The following TTLL8 variants were observed in gnomAD, a reference collection of about 807,000 sequenced individuals.
TTLL8 encodes the protein protein monoglycylase TTLL8.
A neutral mutation model predicts 77.8 loss-of-function variants in TTLL8; 65 were observed. That is an observed-to-expected ratio of 0.84 (90% CI 0.68 to 1.03). TTLL8 has a LOEUF of 1.03. Among genes scored for constraint, TTLL8 ranks in the 50% least tolerant of loss-of-function variants. The pLI is 0.00. For synonymous variants in TTLL8, 402 were observed against 422.8 expected, an observed-to-expected ratio of 0.95 and a Z score of 0.60; for missense variants, 910 against 1,004.5, an observed-to-expected ratio of 0.91 and a Z score of 1.27.
chr22:50,032,986 G>A (rs192360874), intron 10 of TTLL8: 3 of 226,318 alleles, frequency 1.3e-5, no homozygotes, highest in South Asian at 1.6e-4. Context: ...AGAGCGTGGG[G>A]TGTAGGGCGC....
intron 12 of TTLL8, among the ~76,000 whole-genome samples, chr22:50,029,604 G>T (rs531911434): frequency 1.3e-5 from 2 of 152,148 alleles, no homozygotes; most frequent in Non-Finnish European, 2.9e-5. Flanking sequence ...GGTGGCGGGC[G>T]CCTGTGGTCC....
intron 12 of TTLL8, among the ~76,000 whole-genome samples, chr22:50,027,898 G>T (rs1336440715): frequency 2.0e-5 from 3 of 152,244 alleles, no homozygotes; most frequent in Non-Finnish European, 2.9e-5. Flanking sequence ...CGTACGCACG[G>T]GTTGGAGTTG....
intron 6 of TTLL8, 46 bp downstream of exon 8, chr22:50,045,209 C>T (rs551752095): frequency 3.5e-5 from 47 of 1,327,842 alleles, no homozygotes; most frequent in African/African-American, 4.5e-5. Context: ...CTGTGGAGGC[C>T]CCGAGCTCTG....
In TTLL8 at chr22:50,034,221, G is replaced by A. The variant is rs115827953; in HGVS notation, c.1039+124C>T. 272 of 1,169,310 alleles carry A rather than the reference G, an allele frequency of 2.3e-4. No individual in the cohort carries two copies. In the African/African-American group the frequency reaches 2.9e-3, roughly 12 times the overall value. The allele number at this position is 1,169,310 out of a possible 1,614,324, so 72.4% of individuals were successfully genotyped here. A position where few individuals can be genotyped will look rare whatever the true frequency, so the allele number is the denominator to read the frequency against. ...GAGTCCTGACCCCCACGCCTGCCTC[G>A]GCGTTCTGCTCCCTCCCTTCCTTCC... On this transcript the variant is annotated intron_variant, in intron 9 of 13. Transcript: ENST00000266182. This position sits in a 1 kb window ranked among gnomAD's most constrained non-coding sequence, Gnocchi z 4.1.
rs773249930 is a variant in TTLL8, at chr22:50,045,235, C to T, written c.643+20G>A. On this transcript the variant is annotated intron_variant, in intron 6 of 13. Coordinates refer to ENST00000266182, the Ensembl canonical transcript of TTLL8. ...CCGAGCTCTGGTGGCCTGGCACTGC[C>T]CTGCCCCGGCCCAGCGCACCTTGCC... is the stretch of plus-strand genomic sequence containing the variant. 7.4e-7 allele frequency: 1 copy of T among 1,347,568 alleles called. No individual in the cohort carries two copies. The highest frequency in any genetic ancestry group is 4.6e-5 in the East Asian group (1 of 21,694). 83.5% of individuals were successfully genotyped at this position (1,347,568 alleles called of 1,614,324 possible).
At position 50,034,365 on chromosome 22, in the gene TTLL8, C is replaced by T. The variant is rs377625748; in HGVS notation, c.1019G>A (p.Arg340Gln). The change falls in exon 9 of 14, where the codon CGG (arginine) becomes CAG (glutamine). Residue 340 changes from arginine (R) to glutamine (Q), a missense_variant. Physicochemically the swap from Arg to Gln is conservative, Grantham distance 43. Coordinates refer to ENST00000266182, the Ensembl canonical transcript of TTLL8. This position sits in a 1 kb window ranked among gnomAD's most constrained non-coding sequence, Gnocchi z 4.1. ...CGCACCAGGGGACTCACCTCGGCCC[C>T]GGGACTTGGCCGCGGGCTTTATAAT... The T allele has an allele frequency of 2.7e-5, 37 of 1,366,386 alleles. No individual in the cohort carries two copies. The highest frequency in any genetic ancestry group is 2.2e-4 in the Middle Eastern group (1 of 4,468). The allele number at this position is 1,366,386 out of a possible 1,614,324, so 84.6% of individuals were successfully genotyped here.
chr22:50,035,610 A>G (rs1031161712), intron 8 of TTLL8, among the ~76,000 whole-genome samples: 1 of 152,166 alleles, frequency 6.6e-6, no homozygotes, highest in African/African-American at 2.4e-5. Flanking sequence ...AACTGTGATG[A>G]GAACTTGGAG....
At chr22:50,047,327 A>G (rs1162901002) in intron 3 of TTLL8, 31 bp from the exon 6 acceptor site, 3 of 1,365,016 alleles carry the variant, frequency 2.2e-6, no homozygotes, top group Non-Finnish European at 2.9e-6. Flanking sequence ...ATTGATGCCC[A>G]GCATTCAAGG....
At chr22:50,027,589 G>A (rs2061238288) in intron 12 of TTLL8, 1 of 931,728 alleles carries the variant, frequency 1.1e-6, no homozygotes, top group African/African-American at 1.8e-5. Context: ...GATTCAAGGT[G>A]ATCCCAGTCA....
At chr22:50,043,676 A>G (rs1410292002) in intron 6 of TTLL8, among the ~76,000 whole-genome samples, 2 of 152,138 alleles carry the variant, frequency 1.3e-5, no homozygotes, top group East Asian at 3.9e-4. Flanking sequence ...GTGGAGTATC[A>G]CTCAGCCCTA....
At chr22:50,057,305 CA>C (rs1257231075), upstream of TTLL8, among the ~76,000 whole-genome samples, 2 of 94,400 alleles carry the variant, frequency 2.1e-5, no homozygotes, top group East Asian at 6.5e-4. Flanking sequence ...GTTTGGGGGT[CA>C]GGACTGGGTT....
rs764105535 is a variant in TTLL8, at chr22:50,041,737, G to A, written c.714C>T (p.Cys238=). The A allele has an allele frequency of 1.5e-6, 2 of 1,365,654 alleles. No homozygotes were observed. Among genetic ancestry groups the A allele is most frequent in the Non-Finnish European group, 2.0e-6 (2 of 1,021,120 alleles). The allele number at this position is 1,365,654 out of a possible 1,614,324, so 84.6% of individuals were successfully genotyped here. A position where few individuals can be genotyped will look rare whatever the true frequency, so the allele number is the denominator to read the frequency against. The change falls in exon 7 of 14, where the codon TGC becomes TGT. Residue 238 remains cysteine (C), a synonymous_variant. Coordinates refer to ENST00000266182, the Ensembl canonical transcript of TTLL8. The surrounding 1 kb of genome is among the most constrained non-coding windows in gnomAD (Gnocchi z 4.3). The stretch of plus-strand genomic sequence containing the variant: ...GCTCCAGCTGCCCCAGGTAGGCCTG[G>A]CACACCTTGCACGCGATGTCCACAA...
chr22:50,021,670 ACG>A (rs1326652009), intron 12 of TTLL8, among the ~76,000 whole-genome samples: 3 of 118,516 alleles, frequency 2.5e-5, no homozygotes, highest in Admixed American at 9.0e-5. Flanking sequence ...CCATCTGACG[ACG>A]TGCACTCCTC....
upstream of TTLL8, among the ~76,000 whole-genome samples, chr22:50,055,744 C>T (rs779971137): frequency 4.0e-5 from 6 of 151,050 alleles, no homozygotes; most frequent in Non-Finnish European, 5.9e-5. Flanking sequence ...CAGCAAAATT[C>T]ATCCACAGTG....
At chr22:50,038,565 A>G (rs909686995) in intron 8 of TTLL8, among the ~76,000 whole-genome samples, 7 of 152,200 alleles carry the variant, frequency 4.6e-5, no homozygotes, top group Admixed American at 3.9e-4. Context: ...TAATGCTAGC[A>G]CTTTGGGAGG....
At chr22:50,051,311 T>G (rs1186600832) in intron 1 of TTLL8, among the ~76,000 whole-genome samples, 1 of 152,272 alleles carries the variant, frequency 6.6e-6, no homozygotes. Context: ...CCTGAGTTAC[T>G]TCGCTTGGAA....
At chr22:50,027,609 C>A (rs1307054957) in intron 12 of TTLL8, 3 of 984,778 alleles carry the variant, frequency 3.0e-6, no homozygotes, top group Non-Finnish European at 2.4e-6. Flanking sequence ...AAAGTCCCAG[C>A]AGTTTGCTGT....
At chr22:50,047,677 G>T (rs1436603311) in intron 3 of TTLL8, among the ~76,000 whole-genome samples, 1 of 152,202 alleles carries the variant, frequency 6.6e-6, no homozygotes, top group African/African-American at 2.4e-5. Context: ...CATGGGCCCT[G>T]CACACCCCTC....
intron 9 of TTLL8, 67 bp from the exon 11 acceptor site, chr22:50,033,512 C>A: frequency 7.7e-7 from 1 of 1,299,416 alleles, no homozygotes. Flanking sequence ...GCTCCTGAGC[C>A]CTGGGGCAGG....
Sources: gnomAD v4.1 joint callset for allele counts (sites outside exome capture counted in the v4.1 genomes callset) on GRCh38, gnomAD v4.1.1 for gene constraint, Gnocchi (gnomAD v3.1) non-coding constraint, MANE v1.5 for transcripts, NCBI Gene and HGNC (gene_info 2026-07-23, HGNC 2026-07-21) for gene names.